Variants in NEDD9 observed in about 807,000 individuals in gnomAD.
NEDD9 encodes the protein neural precursor cell expressed, developmentally down-regulated 9.
A neutral mutation model predicts 76.6 loss-of-function variants in NEDD9; 26 were observed. The ratio of observed to expected loss-of-function variants is 0.34; its 90% CI spans 0.25 to 0.47. The LOEUF is 0.47. Among genes scored for constraint, NEDD9 ranks in the 20% least tolerant of loss-of-function variants. The pLI, the probability that NEDD9 is intolerant of heterozygous loss-of-function variation, is 1.00. For synonymous variants in NEDD9, 392 were observed against 414.2 expected, an observed-to-expected ratio of 0.95 and a Z score of 0.65; for missense variants, 937 against 1,058.5, an observed-to-expected ratio of 0.89 and a Z score of 1.59.
At chr6:11,352,754 T>G (rs530417913) in intron 1 of NEDD9, 1 of 152,356 alleles carries the variant, frequency 6.6e-6, no homozygotes, top group Admixed American at 6.5e-5. Context: ...ACATCCTTGG[T>G]GTATAGTAGC....
intron 1 of NEDD9, among the ~76,000 whole-genome samples, chr6:11,366,474 G>C (rs1762773656): frequency 6.6e-6 from 1 of 151,928 alleles, no homozygotes; most frequent in Admixed American, 6.6e-5. Context: ...GGAAAAGAAA[G>C]AAGAAAGAAA....
chr6:11,228,531 A>G (rs937359029), intron 1 of NEDD9, among the ~76,000 whole-genome samples: 1 of 133,830 alleles, frequency 7.5e-6, no homozygotes, highest in Non-Finnish European at 1.6e-5. Context: ...CTTGATCTCA[A>G]AAAAAGAAAA....
intron 3 of NEDD9, among the ~76,000 whole-genome samples, chr6:11,265,213 T>C (rs2113331866): frequency 6.6e-6 from 1 of 152,364 alleles, no homozygotes; most frequent in South Asian, 2.1e-4. Flanking sequence ...TACGGGATAA[T>C]GAATCCTGGG....
rs75199041 is a variant in NEDD9, at chr6:11,249,105, T to A, written c.13-35378A>T. The A allele has an allele frequency of 5.1e-4, 232 of 455,960 alleles. 1 individual carries two copies. Among genetic ancestry groups the A allele is most frequent in the Non-Finnish European group, 8.1e-4 (184 of 226,788 alleles). 28.2% of individuals were successfully genotyped at this position (455,960 alleles called of 1,614,324 possible). ...GTATTTGGTCAGACATTATTTTGGA[T>A]GTTTCTGCGAGGGTTTTTTGGGAGG... On this transcript the variant is annotated intron_variant, in intron 3 of 3. Transcript: ENST00000397378.
chr6:11,323,064 A>G (rs1761846054), intron 2 of NEDD9, among the ~76,000 whole-genome samples: 1 of 152,260 alleles, frequency 6.6e-6, no homozygotes, highest in Non-Finnish European at 1.5e-5. Context: ...AGATTAAAAG[A>G]GACAAAACAT....
chr6:11,305,749 G>T, intron 3 of NEDD9: 1 of 551,486 alleles, frequency 1.8e-6, no homozygotes, highest in Non-Finnish European at 3.3e-6. Context: ...CATCCCAGAA[G>T]ACTGCTTCCC....
intron 1 of NEDD9, among the ~76,000 whole-genome samples, chr6:11,219,292 G>T (rs1759072938): frequency 6.6e-6 from 1 of 152,232 alleles, no homozygotes. Flanking sequence ...ACGGAGAGGT[G>T]TGACTTGTAG....
intron 3 of NEDD9, among the ~76,000 whole-genome samples, chr6:11,296,559 C>A (rs548472528): frequency 6.6e-6 from 1 of 152,232 alleles, no homozygotes; most frequent in South Asian, 2.1e-4. Flanking sequence ...TGGATAAGTA[C>A]CTTGGAACTG....
intron 1 of NEDD9, among the ~76,000 whole-genome samples, chr6:11,362,184 C>G (rs997645122): frequency 6.6e-6 from 1 of 152,214 alleles, no homozygotes; most frequent in East Asian, 1.9e-4. Context: ...CTCTCTACCT[C>G]TTTTGCTGCC....
intron 1 of NEDD9, among the ~76,000 whole-genome samples, chr6:11,346,117 C>T (rs1480123790): frequency 2.0e-5 from 3 of 152,196 alleles, no homozygotes; most frequent in Non-Finnish European, 2.9e-5. Context: ...GTGTCTCCAC[C>T]ATTAGCATAT....
At chr6:11,237,112 C>T (rs59173844), upstream of NEDD9, among the ~76,000 whole-genome samples, 2 of 152,322 alleles carry the variant, frequency 1.3e-5, no homozygotes, top group African/African-American at 4.8e-5. The surrounding 1 kb of genome is among the most constrained non-coding windows in gnomAD (Gnocchi z 4.9). Flanking sequence ...CCCCACCCTG[C>T]CCACCTCGCC....
At chr6:11,278,418 CCA>C (rs1344365771) in intron 3 of NEDD9, among the ~76,000 whole-genome samples, 1 of 152,152 alleles carries the variant, frequency 6.6e-6, no homozygotes, top group Admixed American at 6.5e-5. Flanking sequence ...TTGCTCGAGG[CCA>C]CAGAGTTGAG....
upstream of NEDD9, among the ~76,000 whole-genome samples, chr6:11,233,002 G>C (rs932919334): frequency 6.6e-6 from 1 of 152,014 alleles, no homozygotes; most frequent in Non-Finnish European, 1.5e-5. Flanking sequence ...TGACAGTCGC[G>C]CTTCCTGTGA....
upstream of NEDD9, among the ~76,000 whole-genome samples, chr6:11,234,514 G>A (rs1759559849): frequency 6.6e-6 from 1 of 152,026 alleles, no homozygotes; most frequent in Non-Finnish European, 1.5e-5. Context: ...TTTGTGCTGG[G>A]GTTTTTTTGT....
At chr6:11,365,695 G>C (rs573696413) in intron 1 of NEDD9, among the ~76,000 whole-genome samples, 1 of 152,120 alleles carries the variant, frequency 6.6e-6, no homozygotes, top group Non-Finnish European at 1.5e-5. Context: ...AAAGAAGAAA[G>C]AAAATAAAAT....
chr6:11,209,073 A>G (rs1758696392), intron 2 of NEDD9, among the ~76,000 whole-genome samples: 1 of 152,244 alleles, frequency 6.6e-6, no homozygotes. Flanking sequence ...AAAGTGAGAA[A>G]AATATAACCT....
chr6:11,359,855 G>C (rs540919917), intron 1 of NEDD9, among the ~76,000 whole-genome samples: 6 of 152,324 alleles, frequency 3.9e-5, no homozygotes, highest in African/African-American at 1.4e-4. Context: ...CAGATAGCAA[G>C]TCGTTTGAGA....
At chr6:11,289,852 T>C in intron 3 of NEDD9, among the ~76,000 whole-genome samples, 1 of 152,082 alleles carries the variant, frequency 6.6e-6, no homozygotes, top group Non-Finnish European at 1.5e-5. Context: ...TTAAATAATT[T>C]CTCCAAGATC....
At chr6:11,308,479 C>T (rs1246875523) in intron 2 of NEDD9, among the ~76,000 whole-genome samples, 5 of 149,618 alleles carry the variant, frequency 3.3e-5, no homozygotes, top group African/African-American at 1.2e-4. Context: ...ACGCCATTCT[C>T]CTGCCTCAGC....
Sources: allele counts gnomAD v4.1 joint callset (sites outside exome capture counted in the v4.1 genomes callset), GRCh38; gene constraint gnomAD v4.1.1; non-coding constraint Gnocchi (gnomAD v3.1); transcripts MANE v1.5; gene names NCBI Gene and HGNC (gene_info 2026-07-23, HGNC 2026-07-21).